The following PHF5A variants were observed in gnomAD, a reference collection of about 807,000 sequenced individuals.
The protein encoded by PHF5A is PHD finger protein 5A.
For missense variants in PHF5A, 24 were observed against 140.6 expected (o/e 0.17, Z 4.19); for synonymous variants, 52 against 46.0 (o/e 1.13, Z -0.52).
intron 3 of PHF5A, among the ~76,000 whole-genome samples, chr22:41,462,626 C>T (rs992940045): frequency 2.0e-5 from 3 of 152,188 alleles, no homozygotes; most frequent in Admixed American, 1.3e-4. Flanking sequence ...GGACTCTCAA[C>T]TCTTTAGAGA....
chr22:41,464,111 CG>C (rs2037847604), intron 3 of PHF5A, among the ~76,000 whole-genome samples: 1 of 151,940 alleles, frequency 6.6e-6, no homozygotes, highest in Admixed American at 6.6e-5. Flanking sequence ...TCTGGTTGGG[CG>C]AACTGAGGAA....
chr22:41,467,558 T>A lies in PHF5A; in HGVS notation c.133A>T (p.Ile45Leu), dbSNP rs776779287. Residue 45 changes from isoleucine to leucine, a missense_variant, in exon 3 of 4, where the codon ATA becomes TTA. Transcript: ENST00000216252. ...GATCCATAGTTACACTCATCACATA[T>A]GCGCACCAGAGTGCAGGGACGCACA... Reference protein sequence around the residue: ...SYVRPCTLVRICDECNYGSYQ... With the variant: ...SYVRPCTLVRLCDECNYGSYQ... 2 of 1,614,196 alleles carry A rather than the reference T, an allele frequency of 1.2e-6. No homozygotes were observed. The highest frequency in any genetic ancestry group is 1.7e-6 in the Non-Finnish European group (2 of 1,180,042).
Position 41,460,239 on chromosome 22 carries a change from C to A in PHF5A, c.*159G>T. ...ATCCTTTTCCATCCCTACCACGTGT[C>A]TGGGTGAAGGGAGAGGAGGGGGTGG... On this transcript the variant is annotated 3_prime_UTR_variant, in exon 4 of 4. Transcript: ENST00000216252. The A allele has an allele frequency of 1.7e-6, 1 of 578,090 alleles. No homozygotes were observed. Among genetic ancestry groups the A allele is most frequent in the East Asian group, 2.7e-5 (1 of 37,506 alleles). 35.8% of individuals were successfully genotyped at this position (578,090 alleles called of 1,614,324 possible). A position where few individuals can be genotyped will look rare whatever the true frequency, so the allele number is the denominator to read the frequency against.
At chr22:41,468,283 T>C (rs2037889125) in intron 1 of PHF5A, 136 bp from the exon 2 acceptor site, 2 of 799,530 alleles carry the variant, frequency 2.5e-6, no homozygotes, top group Non-Finnish European at 4.1e-6. Flanking sequence ...CATTTTATCA[T>C]TACAAATTTC....
chr22:41,465,751 GCA>G (rs1304950890), intron 3 of PHF5A, among the ~76,000 whole-genome samples: 2 of 152,054 alleles, frequency 1.3e-5, no homozygotes, highest in African/African-American at 4.8e-5. Flanking sequence ...ATAGTGGCAT[GCA>G]CCTGTAGTCC....
intron 1 of PHF5A, 195 bp downstream of exon 1, chr22:41,468,407 G>A (rs2037892276): frequency 4.5e-6 from 3 of 666,728 alleles, no homozygotes; most frequent in South Asian, 3.9e-5. Context: ...CCTGCCTGGG[G>A]CTCCCAGCAC....
chr22:41,466,670 C>G (rs2037868217), intron 3 of PHF5A, among the ~76,000 whole-genome samples: 1 of 152,106 alleles, frequency 6.6e-6, no homozygotes. Flanking sequence ...ACCACAGGTA[C>G]ACACCAGCAC....
intron 3 of PHF5A, 68 bp from the exon 4 acceptor site, chr22:41,460,555 T>C: frequency 7.4e-7 from 1 of 1,358,706 alleles, no homozygotes; most frequent in Non-Finnish European, 1.0e-6. Context: ...AGATAAAAAA[T>C]TTAAGCCCAG....
At chr22:41,463,268 G>C (rs1014289757) in intron 3 of PHF5A, among the ~76,000 whole-genome samples, 1 of 151,058 alleles carries the variant, frequency 6.6e-6, no homozygotes, top group African/African-American at 2.4e-5. Context: ...GGGGTGCAAT[G>C]ATGAGAAAAA....
chr22:41,465,692 C>T (rs1041573195), intron 3 of PHF5A, among the ~76,000 whole-genome samples: 2 of 151,984 alleles, frequency 1.3e-5, no homozygotes, highest in Non-Finnish European at 2.9e-5. Context: ...CCAACCTGGC[C>T]AGCATAGTGA....
intron 3 of PHF5A, among the ~76,000 whole-genome samples, chr22:41,461,732 G>A (rs180840791): frequency 1.3e-5 from 2 of 151,908 alleles, no homozygotes; most frequent in South Asian, 2.1e-4. Context: ...ACATGATCTC[G>A]GCTCACTGCA....
Position 41,467,924 on chromosome 22 carries a change from C to A in PHF5A, c.76+200G>T. The A allele has an allele frequency of 7.9e-6, 5 of 629,168 alleles. No individual in the cohort carries two copies. The South Asian group carries it at 9.9e-5, about 12-fold the overall frequency. 39.0% of individuals were successfully genotyped at this position (629,168 alleles called of 1,614,324 possible). On this transcript the variant is annotated intron_variant, in intron 2 of 3. Coordinates refer to ENST00000216252, the MANE Select transcript of PHF5A (RefSeq NM_032758.4). ...GTCATGCTACTCTGGCGATTCTTCC[C>A]GTTGAAAACTAGAGAGATACAGCGT...
Position 41,467,431 on chromosome 22 carries a change from G to T in PHF5A, c.243+17C>A. 2 of 1,612,594 alleles carry T rather than the reference G, an allele frequency of 1.2e-6. No homozygotes were observed. The highest frequency in any genetic ancestry group is 1.7e-6 in the Non-Finnish European group (2 of 1,179,506). On this transcript the variant is annotated intron_variant, in intron 3 of 3. Transcript: ENST00000216252. ...AAACAAAAGGAGGAAAGGTCAGATGGAAAGCTGTACACTTACGTCCTTCTC... is the reference window on the plus strand; with the variant it reads ...AAACAAAAGGAGGAAAGGTCAGATGTAAAGCTGTACACTTACGTCCTTCTC...
At chr22:41,468,424 C>T (rs1468176997) in intron 1 of PHF5A, 178 bp downstream of exon 1, 5 of 717,356 alleles carry the variant, frequency 7.0e-6, no homozygotes, top group Middle Eastern at 3.4e-4. Context: ...GCACGCGCAC[C>T]CCCGCCCTCT....
intron 3 of PHF5A, among the ~76,000 whole-genome samples, chr22:41,460,875 T>A (rs1289042400): frequency 6.6e-6 from 1 of 152,042 alleles, no homozygotes; most frequent in African/African-American, 2.4e-5. Context: ...TTAGCACTTA[T>A]GAAAGATCAT....
chr22:41,464,587 G>A (rs2037851817), intron 3 of PHF5A, among the ~76,000 whole-genome samples: 1 of 152,188 alleles, frequency 6.6e-6, no homozygotes, highest in Admixed American at 6.5e-5. Context: ...GAGGCATGAG[G>A]ATCCAAAGGT....
chr22:41,463,236 T>A (rs1018842989), intron 3 of PHF5A, among the ~76,000 whole-genome samples: 1 of 151,764 alleles, frequency 6.6e-6, no homozygotes, highest in Non-Finnish European at 1.5e-5. Flanking sequence ...TAATTTACAT[T>A]AACTTTTAAC....
intron 3 of PHF5A, among the ~76,000 whole-genome samples, chr22:41,461,858 T>C (rs1057509011): frequency 6.6e-6 from 1 of 152,154 alleles, no homozygotes; most frequent in Non-Finnish European, 1.5e-5. Flanking sequence ...AGATGGGGTT[T>C]CACCATGTTG....
chr22:41,465,178 CTTTT>C, intron 3 of PHF5A, among the ~76,000 whole-genome samples: 1 of 148,000 alleles, frequency 6.8e-6, no homozygotes, highest in South Asian at 2.1e-4. Flanking sequence ...GGTGTACTCA[CTTTT>C]TTTTTTTGAG....
Sources: allele counts gnomAD v4.1 joint callset (sites outside exome capture counted in the v4.1 genomes callset), GRCh38; gene constraint gnomAD v4.1.1; transcripts MANE v1.5; gene names NCBI Gene and HGNC (gene_info 2026-07-23, HGNC 2026-07-21).